The following P4HB variants were observed in gnomAD, a reference collection of about 807,000 sequenced individuals.
P4HB encodes the protein prolyl 4-hydroxylase subunit beta.
A neutral mutation model predicts 52.6 loss-of-function variants in P4HB; 20 were observed. The observed-to-expected ratio is 0.38, with a 90% confidence interval of 0.27 to 0.55. P4HB has a LOEUF of 0.55. Ranked by LOEUF, P4HB falls within the 20% of genes least tolerant of loss-of-function variation. P4HB has a pLI of 0.74. For synonymous variants in P4HB, 296 were observed against 277.9 expected (o/e 1.07, Z -0.65); for missense variants, 601 against 669.2 (o/e 0.90, Z 1.12).
chr17:81,847,252 G>T lies in P4HB; in HGVS notation c.720C>A (p.Phe240Leu). 12 of 1,614,040 alleles carry T rather than the reference G, an allele frequency of 7.4e-6. No homozygotes were observed. Among genetic ancestry groups the T allele is most frequent in the Non-Finnish European group, 1.0e-5 (12 of 1,179,986 alleles). The change falls in exon 5 of 11, where the codon TTC (phenylalanine) becomes TTA (leucine). Residue 240 changes from phenylalanine (F) to leucine (L), a missense_variant. Transcript: ENST00000331483. ...TGCAGGGCAGCCGCACCTGCTCGGT[G>T]AACTCGATGACAAGGGGCAGCTGGT... ...KHNQLPLVIE[F>L]TEQTAPKIFG...
In P4HB at chr17:81,845,966, G is replaced by C. The variant is rs780965978; in HGVS notation, c.1082C>G (p.Pro361Arg). The C allele has an allele frequency of 5.0e-6, 8 of 1,611,050 alleles. No homozygotes were observed. The African/African-American group carries it at 9.4e-5, about 19-fold the overall frequency. ...IKPHLMSQEL[P>R]EDWDKQPVKV... ...GACAGGCTGCTTGTCCCAGTCCTCCGGCAGCTCCTGGCTCATCAGGTGGGG... is the reference window on the plus strand; with the variant it reads ...GACAGGCTGCTTGTCCCAGTCCTCCCGCAGCTCCTGGCTCATCAGGTGGGG... The change falls in exon 8 of 11, where the codon CCG (proline) becomes CGG (arginine). Residue 361 changes from proline (P) to arginine (R), a missense_variant. Coordinates refer to ENST00000331483, the MANE Select transcript of P4HB (RefSeq NM_000918.4).
rs141223466 is a variant in P4HB, at chr17:81,855,193, G to A, written c.573C>T (p.Asp191=). ...TGTCGAGCTGGTATTTGGAGAACAC[G>A]TCACTGTTGGAAGTGATCCCAAATG... ...DIPFGITSNS[D]VFSKYQLDKD... Residue 191 remains aspartate (D), a synonymous_variant, in exon 4 of 11, where the codon GAC becomes GAT. Coordinates refer to ENST00000331483, the MANE Select transcript of P4HB (RefSeq NM_000918.4). The surrounding 1 kb of genome is among the most constrained non-coding windows in gnomAD (Gnocchi z 4.3). 3.3e-5 allele frequency: 54 copies of A among 1,613,984 alleles called. No homozygotes were observed. The highest frequency in any genetic ancestry group is 2.2e-5 in the East Asian group (1 of 44,878).
chr17:81,854,414 C>T (rs867370290), intron 4 of P4HB, among the ~76,000 whole-genome samples: 1 of 151,958 alleles, frequency 6.6e-6, no homozygotes, highest in Non-Finnish European at 1.5e-5. Flanking sequence ...TGGTGGCACG[C>T]GCCTGTAGTT....
chr17:81,848,337 G>T (rs1188425519), intron 4 of P4HB, among the ~76,000 whole-genome samples: 5 of 152,256 alleles, frequency 3.3e-5, no homozygotes, highest in African/African-American at 1.2e-4. Context: ...GGAGAATCCT[G>T]CTGGAGGAAT....
At chr17:81,848,736 CAAAAAAAAAAAAA>C (rs770133887) in intron 4 of P4HB, among the ~76,000 whole-genome samples, 2 of 24,450 alleles carry the variant, frequency 8.2e-5, no homozygotes, top group African/African-American at 2.9e-4. Flanking sequence ...AACTCTGTCT[CAAAAAAAAAAAAA>C]AAAAAAAAAA....
rs912130391 is a variant in P4HB, at chr17:81,847,154, C to T, written c.730-82G>A. The T allele has an allele frequency of 2.9e-5, 46 of 1,600,528 alleles. 1 individual carries two copies. Among genetic ancestry groups the T allele is most frequent in the African/African-American group, 5.4e-5 (4 of 74,686 alleles). ...TCTCCCAATGGCCTCCAATGTCAGA[C>T]GCTGGACAGCAGTGGTGACCGGGAG... On this transcript the variant is annotated intron_variant, in intron 5 of 10. Coordinates refer to ENST00000331483, the MANE Select transcript of P4HB (RefSeq NM_000918.4).
At chr17:81,850,853 C>G (rs753838209) in intron 4 of P4HB, among the ~76,000 whole-genome samples, 13 of 152,130 alleles carry the variant, frequency 8.5e-5, no homozygotes, top group African/African-American at 1.4e-4. Flanking sequence ...GTCTCAGACT[C>G]CTGGCCTCAA....
intron 1 of P4HB, chr17:81,859,614 C>G (rs997594337): frequency 1.4e-5 from 8 of 568,414 alleles, no homozygotes; most frequent in African/African-American, 9.4e-5. Flanking sequence ...ACACCAGCCC[C>G]CACTCTGCTA....
chr17:81,850,429 C>T (rs574316059), intron 4 of P4HB, among the ~76,000 whole-genome samples: 20 of 151,250 alleles, frequency 1.3e-4, no homozygotes, highest in African/African-American at 4.4e-4. Context: ...AGCCACTGCA[C>T]CTGGACAGAA....
rs1220873821 is a variant in P4HB at position 81,845,943 on chromosome 17, C to T, written c.1105G>A (p.Val369Ile). 6.2e-7 allele frequency: 1 copy of T among 1,613,334 alleles called. No homozygotes were observed. Among genetic ancestry groups the T allele is most frequent in the Non-Finnish European group, 8.5e-7 (1 of 1,179,740 alleles). ...AAGTTCTTCCCAACAAGCACCTTGACAGGCTGCTTGTCCCAGTCCTCCGGC... is the reference window on the plus strand; with the variant it reads ...AAGTTCTTCCCAACAAGCACCTTGATAGGCTGCTTGTCCCAGTCCTCCGGC... ...ELPEDWDKQP[V>I]KVLVGKNFED... Residue 369 changes from valine (V) to isoleucine (I), a missense_variant, in exon 8 of 11, where the codon GTC becomes ATC. By Grantham distance (29) the Val-to-Ile change is conservative. Transcript: ENST00000331483.
chr17:81,847,257 C>G lies in P4HB; in HGVS notation c.715G>C (p.Glu239Gln). Residue 239 changes from glutamate (E) to glutamine (Q), a missense_variant, in exon 5 of 11, where the codon GAG (glutamate) becomes CAG (glutamine). Transcript: ENST00000331483. ...GGCAGCCGCACCTGCTCGGTGAACT[C>G]GATGACAAGGGGCAGCTGGTTGTGT... The part of the protein sequence containing the change: ...IKHNQLPLVI[E>Q]FTEQTAPKIF... 1 of 1,614,080 alleles carries G rather than the reference C, an allele frequency of 6.2e-7. No homozygotes were observed. The highest frequency in any genetic ancestry group is 8.5e-7 in the Non-Finnish European group (1 of 1,180,006).
chr17:81,845,639 C>T lies in P4HB; in HGVS notation c.1281G>A (p.Ser427=), dbSNP rs192889497. The stretch of plus-strand genomic sequence containing the variant: ...TGACGGCCTCCACCTCGTTGGCAGT[C>T]GAGTCCATCTTGGCGATGACGATGT... ...HENIVIAKMD[S]TANEVEAVKV... Residue 427 remains serine (S), a synonymous_variant, in exon 9 of 11, where the codon TCG becomes TCA. Transcript: ENST00000331483. 47 of 1,613,596 alleles carry T rather than the reference C, an allele frequency of 2.9e-5. No individual in the cohort carries two copies. The highest frequency in any genetic ancestry group is 3.6e-5 in the Non-Finnish European group (42 of 1,179,708).
chr17:81,857,698 T>C (rs544632854), intron 2 of P4HB, among the ~76,000 whole-genome samples: 2 of 152,202 alleles, frequency 1.3e-5, no homozygotes, highest in Non-Finnish European at 1.5e-5. Flanking sequence ...AGGAAGAAGA[T>C]GACACACTTT....
At chr17:81,849,233 G>A (rs980807043) in intron 4 of P4HB, among the ~76,000 whole-genome samples, 2 of 151,794 alleles carry the variant, frequency 1.3e-5, no homozygotes, top group East Asian at 1.9e-4. Flanking sequence ...GGTGGCTCAC[G>A]CCTGTAATCC....
chr17:81,844,171 C>T (rs1031636592), intron 10 of P4HB, 79 bp from the exon 11 acceptor site: 7 of 1,005,522 alleles, frequency 7.0e-6, no homozygotes, highest in African/African-American at 1.6e-5. Flanking sequence ...CCCCACACTG[C>T]TCACACCGGG....
rs975066765 is a variant in P4HB at position 81,860,383 on chromosome 17, C to T, written c.89G>A (p.Arg30Gln). The T allele has an allele frequency of 2.7e-6, 4 of 1,473,690 alleles. No individual in the cohort carries two copies. In the African/African-American group the frequency reaches 5.9e-5, roughly 22 times the overall value. The allele number at this position is 1,473,690 out of a possible 1,614,324, so 91.3% of individuals were successfully genotyped here. The change falls in exon 1 of 11, where the codon CGG (arginine) becomes CAG (glutamine). Residue 30 changes from arginine (R) to glutamine (Q), a missense_variant. Coordinates refer to ENST00000331483, the MANE Select transcript of P4HB (RefSeq NM_000918.4). ...PEEEDHVLVLRKSNFAEALAA... is the reference protein window; with the variant it reads ...PEEEDHVLVLQKSNFAEALAA... Reference sequence around the variant, plus strand: ...CAGCGCCTCCGCGAAGTTGCTTTTCCGCAGCACCAGGACGTGGTCCTCCTC... The same window carrying T: ...CAGCGCCTCCGCGAAGTTGCTTTTCTGCAGCACCAGGACGTGGTCCTCCTC...
At position 81,844,108 on chromosome 17, in the gene P4HB, AGGGGC is replaced by A; in HGVS notation, c.1447-21_1447-17del. The A allele has an allele frequency of 1.9e-6, 3 of 1,580,516 alleles. No individual in the cohort carries two copies. The highest frequency in any genetic ancestry group is 1.3e-5 in the African/African-American group (1 of 74,232). On this transcript the variant is annotated splice_polypyrimidine_tract_variant and intron_variant, in intron 10 of 10. Transcript: ENST00000331483. The stretch of plus-strand genomic sequence containing the variant: ...CCTCGAGATCCTGGGATACAGGAAA[AGGGGC>A]GGGGCGGGCAGGTTGGCTGCAACAG...
chr17:81,844,011 A>G lies in P4HB; in HGVS notation c.*1T>C, dbSNP rs758887971. On this transcript the variant is annotated 3_prime_UTR_variant, in exon 11 of 11. Transcript: ENST00000331483. ...GCAGCGCCCGGGTCTGGCTTTGCGT[A>G]TTACAGTTCATCTTTCACAGCTTTC... 6 of 1,611,044 alleles carry G rather than the reference A, an allele frequency of 3.7e-6. No individual in the cohort carries two copies. The Admixed American group carries it at 8.3e-5, about 22-fold the overall frequency.
At chr17:81,856,433 G>C (rs1190103154) in intron 2 of P4HB, among the ~76,000 whole-genome samples, 1 of 151,064 alleles carries the variant, frequency 6.6e-6, no homozygotes, top group Non-Finnish European at 1.5e-5. Context: ...CACCTCCCGG[G>C]TTCAAGCAAT....
Sources: allele counts gnomAD v4.1 joint callset (sites outside exome capture counted in the v4.1 genomes callset), GRCh38; gene constraint gnomAD v4.1.1; non-coding constraint Gnocchi (gnomAD v3.1); transcripts MANE v1.5; gene names NCBI Gene and HGNC (gene_info 2026-07-23, HGNC 2026-07-21).